FAM168A: variants seen among roughly 807,000 people sequenced by gnomAD.
FAM168A encodes protein FAM168A.
FAM168A carries 3 observed loss-of-function variants against 28.5 expected under a neutral mutation model. That is an observed-to-expected ratio of 0.11 (90% CI 0.05 to 0.27). The LOEUF (loss-of-function observed/expected upper bound fraction) is 0.27, where lower values mean the gene tolerates loss of function less well. Ranked by LOEUF, FAM168A falls within the 10% of genes least tolerant of loss-of-function variation. The pLI is 1.00. For synonymous variants in FAM168A, 122 were observed against 124.2 expected, an observed-to-expected ratio of 0.98 and a Z score of 0.12; for missense variants, 222 against 311.5, an observed-to-expected ratio of 0.71 and a Z score of 2.16.
At chr11:73,530,205 T>C (rs987769282) in intron 1 of FAM168A, among the ~76,000 whole-genome samples, 4 of 152,086 alleles carry the variant, frequency 2.6e-5, no homozygotes, top group Non-Finnish European at 4.4e-5. Context: ...AAGGAAGACA[T>C]ATCAAAAACA....
chr11:73,544,728 G>A (rs189333784), intron 1 of FAM168A, among the ~76,000 whole-genome samples: 134 of 101,586 alleles, frequency 1.3e-3, no homozygotes, highest in African/African-American at 6.6e-3. Flanking sequence ...TATTTTATAT[G>A]TAATTATATA....
At position 73,570,597 on chromosome 11, in the gene FAM168A, G is replaced by C. The variant is rs141181826; in HGVS notation, c.-19+27326C>G. On this transcript the variant is annotated intron_variant, in intron 1 of 7. Coordinates refer to ENST00000356467, the MANE Select transcript of FAM168A (RefSeq NM_015159.3). ...CCTCTACAAAAAATTAGCTGGGCAT[G>C]ATGGCATGCACCTATTGTCCCAGCT... 1.1e-4 allele frequency among the ~76,000 whole-genome samples: 17 copies of C among 152,032 alleles called. No individual in the cohort carries two copies. In the East Asian group the frequency reaches 3.3e-3, roughly 29 times the overall value.
chr11:73,501,082 C>CA (rs1337508418), intron 1 of FAM168A, among the ~76,000 whole-genome samples: 5 of 150,734 alleles, frequency 3.3e-5, no homozygotes, highest in Admixed American at 3.3e-4. Context: ...CAACAAAGAT[C>CA]AAAAAAGACA....
chr11:73,437,505 G>A (rs931207086), intron 2 of FAM168A, among the ~76,000 whole-genome samples: 17 of 144,898 alleles, frequency 1.2e-4, no homozygotes, highest in African/African-American at 3.8e-4. Flanking sequence ...CTCGGTTCAA[G>A]CAATTCTTCT....
chr11:73,498,474 C>T (rs1186749519), intron 1 of FAM168A, among the ~76,000 whole-genome samples: 1 of 152,180 alleles, frequency 6.6e-6, no homozygotes, highest in Admixed American at 6.5e-5. Flanking sequence ...AGCCTCTTAG[C>T]TGGAATCTGC....
At chr11:73,477,163 T>C (rs936788804) in intron 1 of FAM168A, among the ~76,000 whole-genome samples, 4 of 151,966 alleles carry the variant, frequency 2.6e-5, no homozygotes, top group Admixed American at 2.0e-4. Context: ...GAGATAAACA[T>C]TGAGTACACA....
chr11:73,549,791 T>C (rs1461311999), intron 1 of FAM168A, among the ~76,000 whole-genome samples: 2 of 152,174 alleles, frequency 1.3e-5, no homozygotes, highest in African/African-American at 2.4e-5. Flanking sequence ...CATCCCAACT[T>C]GTGGAAAGAG....
intron 2 of FAM168A, among the ~76,000 whole-genome samples, chr11:73,435,780 C>A (rs1014396390): frequency 2.6e-4 from 40 of 152,116 alleles, no homozygotes; most frequent in African/African-American, 9.2e-4. Context: ...ACACTGAGTT[C>A]TTGAAAAGAC....
intron 2 of FAM168A, among the ~76,000 whole-genome samples, chr11:73,456,838 T>C (rs764993515): frequency 6.6e-5 from 10 of 152,254 alleles, no homozygotes; most frequent in Non-Finnish European, 1.3e-4. Context: ...TTTTGCCCAG[T>C]GGCTACCATC....
rs189260778 is a variant in FAM168A, at chr11:73,438,149, T to C, written c.71-7379A>G. ...ATCATCATCATCACCATCATCATCA[T>C]AGCATCTGGCAAATACTCTGTGGCA... On this transcript the variant is annotated intron_variant, in intron 2 of 7. Transcript: ENST00000356467. Among the ~76,000 whole-genome samples, 129 of 152,286 alleles carry C rather than the reference T, an allele frequency of 8.5e-4. 1 individual carries two copies. The highest frequency in any genetic ancestry group is 1.0e-4 in the Non-Finnish European group (7 of 68,014).
chr11:73,583,800 G>A lies in FAM168A; in HGVS notation c.-19+14123C>T, dbSNP rs1462768792. On this transcript the variant is annotated intron_variant, in intron 1 of 7. Transcript: ENST00000356467. Reference sequence around the variant, plus strand: ...TGGAGGTAAAACGCACAAGCCAGGAGGAGAGACAATAAATGACAATGGTGA... The same window carrying A: ...TGGAGGTAAAACGCACAAGCCAGGAAGAGAGACAATAAATGACAATGGTGA... 2.0e-5 allele frequency among the ~76,000 whole-genome samples: 3 copies of A among 152,200 alleles called. No individual in the cohort carries two copies. The South Asian group carries it at 6.2e-4, about 31-fold the overall frequency.
At chr11:73,464,352 T>TAA (rs377420678) in intron 2 of FAM168A, among the ~76,000 whole-genome samples, 1 of 143,220 alleles carries the variant, frequency 7.0e-6, no homozygotes, top group Admixed American at 7.0e-5. Flanking sequence ...AACACTGGTT[T>TAA]AAAAAAAAAA....
chr11:73,562,007 A>G (rs559045070), intron 1 of FAM168A, among the ~76,000 whole-genome samples: 1 of 152,016 alleles, frequency 6.6e-6, no homozygotes, highest in South Asian at 2.1e-4. Flanking sequence ...CAATGGTGCA[A>G]TCTCAGCTCA....
intron 2 of FAM168A, among the ~76,000 whole-genome samples, chr11:73,449,260 G>A (rs143515490): frequency 7.2e-4 from 110 of 152,188 alleles, no homozygotes; most frequent in Middle Eastern, 3.4e-3. Context: ...ATGAGGCACC[G>A]CACCTGGCCT....
Position 73,403,141 on chromosome 11 carries a change from C to T in FAM168A, c.*3622G>A, listed in dbSNP as rs1186865857. 7 of 152,192 alleles carry T rather than the reference C, an allele frequency of 4.6e-5. No individual in the cohort carries two copies. The highest frequency in any genetic ancestry group is 1.0e-4 in the Non-Finnish European group (7 of 68,044). The allele number at this position is 152,192 out of a possible 1,614,324, so 9.4% of individuals were successfully genotyped here. ...AAACGCTCTGGACAGGTGTGTGTGTCTCTGCTAAATATTCAGGAAAGAGGA... is the reference window on the plus strand; with the variant it reads ...AAACGCTCTGGACAGGTGTGTGTGTTTCTGCTAAATATTCAGGAAAGAGGA... On this transcript the variant is annotated 3_prime_UTR_variant, in exon 8 of 8. Coordinates refer to ENST00000356467, the MANE Select transcript of FAM168A (RefSeq NM_015159.3).
chr11:73,499,505 G>C (rs1418772812), intron 1 of FAM168A, among the ~76,000 whole-genome samples: 1 of 152,142 alleles, frequency 6.6e-6, no homozygotes, highest in African/African-American at 2.4e-5. Flanking sequence ...CAAGGGCACA[G>C]GACTGGACAG....
intron 1 of FAM168A, among the ~76,000 whole-genome samples, chr11:73,553,760 T>C (rs897619412): frequency 2.6e-5 from 4 of 151,828 alleles, no homozygotes; most frequent in African/African-American, 9.7e-5. Context: ...GGCAGGCAGA[T>C]GGATTGAGCC....
chr11:73,527,317 C>T (rs554741450), intron 1 of FAM168A, among the ~76,000 whole-genome samples: 41 of 152,160 alleles, frequency 2.7e-4, no homozygotes, highest in African/African-American at 9.6e-4. Context: ...ACAAGAGCAC[C>T]CCACTGAAAG....
chr11:73,581,189 C>T (rs1186881137), intron 1 of FAM168A, among the ~76,000 whole-genome samples: 1 of 152,184 alleles, frequency 6.6e-6, no homozygotes, highest in Non-Finnish European at 1.5e-5. Context: ...TTTATAGTGG[C>T]TTTCTGATTT....
Sources: allele counts gnomAD v4.1 joint callset (sites outside exome capture counted in the v4.1 genomes callset), GRCh38; gene constraint gnomAD v4.1.1; transcripts MANE v1.5; gene names NCBI Gene and HGNC (gene_info 2026-07-23, HGNC 2026-07-21).